The following AGPAT4 variants were observed in gnomAD, a reference collection of about 807,000 sequenced individuals.
AGPAT4 encodes 1-acylglycerol-3-phosphate O-acyltransferase 4.
A neutral mutation model predicts 48.0 loss-of-function variants in AGPAT4; 15 were observed. The observed-to-expected ratio is 0.31, with a 90% CI of 0.21 to 0.48. The LOEUF (loss-of-function observed/expected upper bound fraction) is 0.48. Ranked by LOEUF, AGPAT4 falls within the 20% of genes least tolerant of loss-of-function variation. AGPAT4 has a pLI of 0.99. For missense variants in AGPAT4, 314 were observed against 482.5 expected, an observed-to-expected ratio of 0.65 and a Z score of 3.27; for synonymous variants, 178 against 198.7, an observed-to-expected ratio of 0.90 and a Z score of 0.88.
Position 161,226,538 on chromosome 6 carries a change from G to T in AGPAT4, c.178+5498C>A, listed in dbSNP as rs1245803937. ...CTTGTATTTTCATTTGTGGGGTAGG[G>T]GGTGGCCCACACCCAGTTGTTGCCT... On this transcript the variant is annotated intron_variant, in intron 2 of 8. Coordinates refer to ENST00000320285, the MANE Select transcript of AGPAT4 (RefSeq NM_020133.3). This position sits in a 1 kb window ranked among gnomAD's most constrained non-coding sequence, Gnocchi z 6.3. Among the ~76,000 whole-genome samples the T allele has an allele frequency of 6.6e-6, 1 of 152,160 alleles. No homozygotes were observed. Among genetic ancestry groups the T allele is most frequent in the East Asian group, 1.9e-4 (1 of 5,184 alleles).
chr6:161,136,482 G>T lies in AGPAT4; in HGVS notation c.*58C>A. 6.7e-7 allele frequency: 1 copy of T among 1,483,240 alleles called. No individual in the cohort carries two copies. Among genetic ancestry groups the T allele is most frequent in the Non-Finnish European group, 9.4e-7 (1 of 1,064,048 alleles). 91.9% of individuals were successfully genotyped at this position (1,483,240 alleles called of 1,614,324 possible). A position where few individuals can be genotyped will look rare whatever the true frequency, so the allele number is the denominator to read the frequency against. ...TTTGTCACCGTGTCCCACTAAGGAGGATATGCAGAGGCCACCAGTTCCCCA... is the reference window on the plus strand; with the variant it reads ...TTTGTCACCGTGTCCCACTAAGGAGTATATGCAGAGGCCACCAGTTCCCCA... On this transcript the variant is annotated 3_prime_UTR_variant, in exon 9 of 9. Transcript: ENST00000320285.
At chr6:161,228,547 G>T (rs1206353906) in intron 2 of AGPAT4, among the ~76,000 whole-genome samples, 1 of 147,370 alleles carries the variant, frequency 6.8e-6, no homozygotes, top group Non-Finnish European at 1.5e-5. Flanking sequence ...GGACAATTAG[G>T]TCACTGGCAA....
In AGPAT4 at chr6:161,178,035, A is replaced by G. The variant is rs371567766; in HGVS notation, c.179-11618T>C. On this transcript the variant is annotated intron_variant, in intron 2 of 8. Coordinates refer to ENST00000320285, the MANE Select transcript of AGPAT4 (RefSeq NM_020133.3). This position sits in a 1 kb window ranked among gnomAD's most constrained non-coding sequence, Gnocchi z 5.1. ...AAGCTTCGTCTCAGAGGGGCACCTG[A>G]CTGTATGTGGTGTCAAATGGCCCCT... Among the ~76,000 whole-genome samples, 95 of 152,194 alleles carry G rather than the reference A, an allele frequency of 6.2e-4. No individual in the cohort carries two copies. Among genetic ancestry groups the G allele is most frequent in the African/African-American group, 2.0e-3 (84 of 41,536 alleles).
chr6:161,179,087 T>C (rs1477930839), intron 2 of AGPAT4, among the ~76,000 whole-genome samples: 1 of 152,188 alleles, frequency 6.6e-6, no homozygotes, highest in Non-Finnish European at 1.5e-5. Flanking sequence ...TGCCTGTCAT[T>C]TAACCATTGC....
rs541567546 is a variant in AGPAT4, at chr6:161,131,840, G to A, written c.*4700C>T. On this transcript the variant is annotated 3_prime_UTR_variant, in exon 9 of 9. Transcript: ENST00000320285. ...TAGTCCTCAGCCTAAGAAGTCCATC[G>A]AGTCCTTCTCTCAAATTGTACGTCT... 7.9e-5 allele frequency: 12 copies of A among 152,300 alleles called. No homozygotes were observed. In the South Asian group the frequency reaches 1.5e-3, roughly 18 times the overall value. The allele number at this position is 152,300 out of a possible 1,614,324, so 9.4% of individuals were successfully genotyped here.
chr6:161,207,151 C>T (rs965465990), intron 2 of AGPAT4, among the ~76,000 whole-genome samples: 6 of 152,162 alleles, frequency 3.9e-5, no homozygotes, highest in African/African-American at 1.4e-4. Flanking sequence ...CTCTCTTTTG[C>T]AAAGAAGTGT....
In AGPAT4 at chr6:161,144,850, G is replaced by A. The variant is rs559920312; in HGVS notation, c.843+1674C>T. On this transcript the variant is annotated intron_variant, in intron 7 of 8. Coordinates refer to ENST00000320285, the MANE Select transcript of AGPAT4 (RefSeq NM_020133.3). This position sits in a 1 kb window ranked among gnomAD's most constrained non-coding sequence, Gnocchi z 6.6. ...AAAAAAATTAGCCGGGCATGGTGGC[G>A]GGTGCCTGTAGTCCCAGATATTTGG... Among the ~76,000 whole-genome samples, 39 of 152,118 alleles carry A rather than the reference G, an allele frequency of 2.6e-4. No individual in the cohort carries two copies. The highest frequency in any genetic ancestry group is 8.7e-4 in the African/African-American group (36 of 41,456).
chr6:161,250,299 T>C (rs1320192583), intron 1 of AGPAT4, among the ~76,000 whole-genome samples: 1 of 152,128 alleles, frequency 6.6e-6, no homozygotes, highest in Non-Finnish European at 1.5e-5. Flanking sequence ...TGACACAAGT[T>C]TACCTATATA....
rs747324273 is a variant in AGPAT4 at position 161,166,329 on chromosome 6, A to G, written c.267T>C (p.Asn89=). The G allele has an allele frequency of 1.2e-5, 20 of 1,614,150 alleles. No individual in the cohort carries two copies. Among genetic ancestry groups the G allele is most frequent in the Non-Finnish European group, 1.7e-5 (20 of 1,180,026 alleles). The part of the protein sequence containing the change: ...PRAYLKYGKE[N]AIVVLNHKFE... ...ACTTGTGGTTGAGAACCACGATGGCATTTTCCTTCCCATACTTGAGGTAGG... is the reference window on the plus strand; with the variant it reads ...ACTTGTGGTTGAGAACCACGATGGCGTTTTCCTTCCCATACTTGAGGTAGG... The change falls in exon 3 of 9, where the codon AAT becomes AAC. Residue 89 remains asparagine (N), a synonymous_variant. Coordinates refer to ENST00000320285, the MANE Select transcript of AGPAT4 (RefSeq NM_020133.3). The surrounding 1 kb of genome is among the most constrained non-coding windows in gnomAD (Gnocchi z 6.7).
Position 161,177,802 on chromosome 6 carries a change from G to T in AGPAT4, c.179-11385C>A, listed in dbSNP as rs1780468989. On this transcript the variant is annotated intron_variant, in intron 2 of 8. Coordinates refer to ENST00000320285, the MANE Select transcript of AGPAT4 (RefSeq NM_020133.3). The surrounding 1 kb of genome is among the most constrained non-coding windows in gnomAD (Gnocchi z 5.0). ...GTGGTTTTATCTACCTTTGGTCTTT[G>T]ATGATGGTGACGTACAGATGGAGTT... 6.6e-6 allele frequency among the ~76,000 whole-genome samples: 1 copy of T among 152,146 alleles called. No individual in the cohort carries two copies. Among genetic ancestry groups the T allele is most frequent in the African/African-American group, 2.4e-5 (1 of 41,430 alleles).
intron 1 of AGPAT4, among the ~76,000 whole-genome samples, chr6:161,265,517 G>C (rs1783231097): frequency 1.3e-5 from 2 of 152,168 alleles, no homozygotes; most frequent in South Asian, 4.2e-4. Flanking sequence ...TGGACTGGGT[G>C]CTGGATTAGT....
At chr6:161,183,832 A>G (rs1780682463) in intron 2 of AGPAT4, among the ~76,000 whole-genome samples, 2 of 151,682 alleles carry the variant, frequency 1.3e-5, no homozygotes, top group South Asian at 2.1e-4. Flanking sequence ...GAGGGGAGCC[A>G]GCCTCGTGGC....
rs1782898813 is a variant in AGPAT4 at position 161,254,710 on chromosome 6, C to T, written c.-90+19228G>A. ...CAAATCCTTAGATTTACTGAGGCTACTTACAACTTCTTCTGTTAATCCTTG... is the reference window on the plus strand; with the variant it reads ...CAAATCCTTAGATTTACTGAGGCTATTTACAACTTCTTCTGTTAATCCTTG... On this transcript the variant is annotated intron_variant, in intron 1 of 8. Transcript: ENST00000320285. The surrounding 1 kb of genome is among the most constrained non-coding windows in gnomAD (Gnocchi z 5.9). 6.6e-6 allele frequency among the ~76,000 whole-genome samples: 1 copy of T among 152,206 alleles called. No individual in the cohort carries two copies. Among genetic ancestry groups the T allele is most frequent in the East Asian group, 1.9e-4 (1 of 5,194 alleles).
chr6:161,273,483 T>A (rs1388453510), intron 1 of AGPAT4, among the ~76,000 whole-genome samples: 1 of 152,122 alleles, frequency 6.6e-6, no homozygotes. Flanking sequence ...GTGTAGTATT[T>A]TTGTGGTTGC....
Position 161,219,893 on chromosome 6 carries a change from AGGCAGGCAGGCAGGCAGGCAGGC to A in AGPAT4, c.178+12120_178+12142del, listed in dbSNP as rs1410490202. 2.9e-5 allele frequency among the ~76,000 whole-genome samples: 4 copies of A among 137,584 alleles called. No homozygotes were observed. Among genetic ancestry groups the A allele is most frequent in the East Asian group, 4.2e-4 (2 of 4,772 alleles). The allele number at this position is 137,584 out of a possible 152,430, so 90.3% of individuals were successfully genotyped here. On this transcript the variant is annotated intron_variant, in intron 2 of 8. Transcript: ENST00000320285. This position sits in a 1 kb window ranked among gnomAD's most constrained non-coding sequence, Gnocchi z 4.9. ...TAGATAGGCAGGCAGGCAGGCAGGCAGGCAGGCAGGCAGGCAGGCAGGCGGCAGGCAGGCAGGCAGGCAGGCAG... is the reference window on the plus strand; with the variant it reads ...TAGATAGGCAGGCAGGCAGGCAGGCAGGCAGGCAGGCAGGCAGGCAGGCAG...
intron 2 of AGPAT4, among the ~76,000 whole-genome samples, chr6:161,210,787 G>A (rs560739114): frequency 1.3e-5 from 2 of 152,248 alleles, no homozygotes; most frequent in African/African-American, 2.4e-5. Context: ...TGGCATAGGG[G>A]TTACAAAACT....
rs1266250144 is a variant in AGPAT4, at chr6:161,189,284, TGTG to T, written c.179-22870_179-22868del. 6.6e-6 allele frequency among the ~76,000 whole-genome samples: 1 copy of T among 152,090 alleles called. No individual in the cohort carries two copies. Among genetic ancestry groups the T allele is most frequent in the Admixed American group, 6.5e-5 (1 of 15,276 alleles). On this transcript the variant is annotated intron_variant, in intron 2 of 8. Transcript: ENST00000320285. The surrounding 1 kb of genome is among the most constrained non-coding windows in gnomAD (Gnocchi z 5.3). ...TCCTGCCTCCTCCCCATCTGGCTCT[TGTG>T]GTGAAGTCTAATGAGTGTGCCAAGA...
chr6:161,182,555 T>C (rs1780633063), intron 2 of AGPAT4, among the ~76,000 whole-genome samples: 1 of 152,046 alleles, frequency 6.6e-6, no homozygotes, highest in Admixed American at 6.6e-5. Flanking sequence ...CCCCAGCCCC[T>C]TGAGGTGCCC....
chr6:161,157,568 C>CTCCCAAAGTGCTGGGGTAACAGG (rs1779798360), intron 3 of AGPAT4, among the ~76,000 whole-genome samples: 1 of 152,170 alleles, frequency 6.6e-6, no homozygotes, highest in Non-Finnish European at 1.5e-5. Context: ...CTGCCTCGGC[C>CTCCCAAAGTGCTGGGGTAACAGG]TCCCAAAGTG....
Sources: allele counts gnomAD v4.1 joint callset (sites outside exome capture counted in the v4.1 genomes callset), GRCh38; gene constraint gnomAD v4.1.1; non-coding constraint Gnocchi (gnomAD v3.1); transcripts MANE v1.5; gene names NCBI Gene and HGNC (gene_info 2026-07-23, HGNC 2026-07-21).